The following NHSL1 variants were observed in gnomAD, a reference collection of about 807,000 sequenced individuals.
NHSL1 encodes NHS like 1.
In NHSL1, 48 loss-of-function variants were observed where a neutral mutation model predicts 95.0. The ratio of observed to expected loss-of-function variants is 0.51; its 90% CI spans 0.40 to 0.64. The LOEUF (loss-of-function observed/expected upper bound fraction) is 0.64. Among genes scored for constraint, NHSL1 ranks in the 30% least tolerant of loss-of-function variants. The pLI is 0.00. For missense variants in NHSL1, 1,971 were observed against 2,077.7 expected, an observed-to-expected ratio of 0.95 and a Z score of 1.00; for synonymous variants, 783 against 833.9, an observed-to-expected ratio of 0.94 and a Z score of 1.05.
At chr6:138,622,344 T>A (rs113796987) in intron 1 of NHSL1, among the ~76,000 whole-genome samples, 4,170 of 150,082 alleles carry the variant, frequency 0.028, 65 homozygotes, top group Middle Eastern at 0.066. Context: ...CTACTAAAAA[T>A]CCAAAAAAAA....
At chr6:138,454,748 G>C (rs1777472434) in intron 3 of NHSL1, among the ~76,000 whole-genome samples, 1 of 152,208 alleles carries the variant, frequency 6.6e-6, no homozygotes, top group Admixed American at 6.5e-5. Flanking sequence ...TGTGATCTTA[G>C]GCAAGTGATC....
intron 1 of NHSL1, among the ~76,000 whole-genome samples, chr6:138,661,285 C>T (rs1465026352): frequency 1.3e-5 from 2 of 152,084 alleles, no homozygotes; most frequent in African/African-American, 4.8e-5. Context: ...TTTCTCCCAC[C>T]TCCCACTCCA....
chr6:138,674,400 C>T (rs909941028), intron 1 of NHSL1, among the ~76,000 whole-genome samples: 2 of 152,132 alleles, frequency 1.3e-5, no homozygotes, highest in African/African-American at 4.8e-5. Context: ...TGGTTTGCTG[C>T]ACCTAACAAC....
intron 1 of NHSL1, among the ~76,000 whole-genome samples, chr6:138,556,770 A>C (rs1049944727): frequency 1.1e-4 from 17 of 151,996 alleles, no homozygotes; most frequent in African/African-American, 3.9e-4. Context: ...TTTGGCCAAA[A>C]ATGTTTAGTA....
chr6:138,548,859 T>C (rs924868977), upstream of NHSL1, among the ~76,000 whole-genome samples: 1 of 152,228 alleles, frequency 6.6e-6, no homozygotes, highest in African/African-American at 2.4e-5. Flanking sequence ...AAATTAATAA[T>C]GATCAATGGT....
chr6:138,609,243 G>A (rs1431910804), intron 1 of NHSL1, among the ~76,000 whole-genome samples: 1 of 143,708 alleles, frequency 7.0e-6, no homozygotes, highest in East Asian at 1.9e-4. Flanking sequence ...TAGAAATGGT[G>A]CTGGACATGG....
chr6:138,519,653 T>C (rs1005391181), intron 1 of NHSL1, among the ~76,000 whole-genome samples: 20 of 152,204 alleles, frequency 1.3e-4, no homozygotes, highest in Admixed American at 9.2e-4. Flanking sequence ...GCACAGTGTC[T>C]GCAGGTTGCT....
At chr6:138,681,897 C>G (rs145948271) in intron 1 of NHSL1, among the ~76,000 whole-genome samples, 4 of 152,008 alleles carry the variant, frequency 2.6e-5, no homozygotes, top group African/African-American at 9.7e-5. Flanking sequence ...ACAGGGAGTG[C>G]AGGGGAAGTA....
At chr6:138,662,999 T>C (rs77438331) in intron 1 of NHSL1, among the ~76,000 whole-genome samples, 2,389 of 143,134 alleles carry the variant, frequency 0.017, 82 homozygotes, top group African/African-American at 0.059. Context: ...AACAATCCAT[T>C]TTCAGGAAAT....
chr6:138,484,679 C>T (rs58460990), intron 2 of NHSL1, among the ~76,000 whole-genome samples: 6,439 of 152,148 alleles, frequency 0.042, 456 homozygotes, highest in African/African-American at 0.15. Flanking sequence ...TAAAAATAAA[C>T]GGCCATTTTG....
intron 1 of NHSL1, among the ~76,000 whole-genome samples, chr6:138,659,346 A>G (rs1020143082): frequency 2.0e-5 from 3 of 152,154 alleles, no homozygotes; most frequent in Non-Finnish European, 4.4e-5. Context: ...CATGGTGCCC[A>G]GCCTAGACTG....
chr6:138,583,160 G>A (rs538818792), intron 1 of NHSL1, among the ~76,000 whole-genome samples: 1 of 152,292 alleles, frequency 6.6e-6, no homozygotes, highest in East Asian at 1.9e-4. Context: ...TGACCTCCAG[G>A]TGTCCCTTCC....
intron 4 of NHSL1, among the ~76,000 whole-genome samples, chr6:138,444,865 G>T (rs1776760919): frequency 6.6e-6 from 1 of 152,152 alleles, no homozygotes; most frequent in African/African-American, 2.4e-5. Context: ...CACAGATGTA[G>T]AAAATGGATC....
At chr6:138,454,330 G>A (rs1583203945) in intron 3 of NHSL1, among the ~76,000 whole-genome samples, 2 of 152,234 alleles carry the variant, frequency 1.3e-5, no homozygotes, top group Admixed American at 1.3e-4. Context: ...CATTTCACTG[G>A]GGTATACATT....
chr6:138,465,500 C>A (rs1294472795), intron 3 of NHSL1, among the ~76,000 whole-genome samples: 1 of 152,168 alleles, frequency 6.6e-6, no homozygotes, highest in Non-Finnish European at 1.5e-5. Flanking sequence ...TTTACCCTCT[C>A]TGGATCCCTC....
intron 3 of NHSL1, among the ~76,000 whole-genome samples, chr6:138,455,316 G>GA (rs563596442): frequency 2.0e-4 from 30 of 150,900 alleles, no homozygotes; most frequent in Admixed American, 5.9e-4. Flanking sequence ...TTTTTTGGGG[G>GA]AAAAAAAAAT....
rs991180311 is a variant in NHSL1 at position 138,424,298 on chromosome 6, G to C, written c.4604C>G (p.Pro1535Arg). Residue 1535 changes from proline (P) to arginine (R), a missense_variant, in exon 8 of 8, where the codon CCT becomes CGT. Pro to Arg is a moderately radical substitution (Grantham distance 103). Coordinates refer to ENST00000343505, the MANE Select transcript of NHSL1 (RefSeq NM_001144060.2). This position sits in a 1 kb window ranked among gnomAD's most constrained non-coding sequence, Gnocchi z 5.9. ...ISEGEGEAVE[P>R]VDSIARGALG... ...AGCCCCGCGGGCTATGCTGTCCACA[G>C]GCTCCACGGCTTCCCCTTCTCCCTC... The C allele has an allele frequency of 4.0e-6, 6 of 1,513,256 alleles. No homozygotes were observed. The East Asian group carries it at 1.5e-4, about 37-fold the overall frequency. 93.7% of individuals were successfully genotyped at this position (1,513,256 alleles called of 1,614,324 possible).
chr6:138,521,465 CAAACA>C (rs934798407), intron 1 of NHSL1, among the ~76,000 whole-genome samples: 1 of 152,150 alleles, frequency 6.6e-6, no homozygotes. Flanking sequence ...GACCCTGCCT[CAAACA>C]AAACAAAACA....
intron 2 of NHSL1, among the ~76,000 whole-genome samples, chr6:138,495,814 C>A (rs1583302168): frequency 2.0e-5 from 3 of 152,136 alleles, no homozygotes; most frequent in Admixed American, 2.0e-4. Context: ...GGAGGCCGCA[C>A]AATCATGGCA....
Sources: allele counts gnomAD v4.1 joint callset (sites outside exome capture counted in the v4.1 genomes callset), GRCh38; gene constraint gnomAD v4.1.1; non-coding constraint Gnocchi (gnomAD v3.1); transcripts MANE v1.5; gene names NCBI Gene and HGNC (gene_info 2026-07-23, HGNC 2026-07-21).